Variants in DGKB observed in about 807,000 individuals in gnomAD.
DGKB encodes the protein 90 kDa diacylglycerol kinase.
Under a neutral mutation model 114.3 loss-of-function variants are expected in DGKB, and 67 were observed. The observed-to-expected ratio is 0.59, with a 90% confidence interval of 0.48 to 0.72. The LOEUF (loss-of-function observed/expected upper bound fraction) is 0.72, where lower values mean the gene tolerates loss of function less well. Ranked by LOEUF, DGKB falls within the 30% of genes least tolerant of loss-of-function variation. The pLI, the probability that DGKB is intolerant of heterozygous loss-of-function variation, is 0.00. For missense variants in DGKB, 907 were observed against 975.2 expected (o/e 0.93, Z 0.93); for synonymous variants, 398 against 323.1 (o/e 1.23, Z -2.49).
Position 14,650,174 on chromosome 7 carries a change from C to G in DGKB, c.1135-19906G>C, listed in dbSNP as rs1291586001. The stretch of plus-strand genomic sequence containing the variant: ...ATAGACATCTACAGAACTCTCCACC[C>G]CAAATCAACAGAATATACATTTTTT... On this transcript the variant is annotated intron_variant, in intron 13 of 25. Transcript: ENST00000402815. Among the ~76,000 whole-genome samples the G allele has an allele frequency of 4.0e-3, 522 of 129,320 alleles. 2 individuals are homozygous for G. Among genetic ancestry groups the G allele is most frequent in the African/African-American group, 0.015 (481 of 33,134 alleles). The allele number at this position is 129,320 out of a possible 152,430, so 84.8% of individuals were successfully genotyped here.
chr7:14,529,403 TA>T (rs1791186615), intron 20 of DGKB, among the ~76,000 whole-genome samples: 1 of 151,898 alleles, frequency 6.6e-6, no homozygotes, highest in Non-Finnish European at 1.5e-5. Context: ...AAAGTCTATT[TA>T]AATAAATAAC....
At chr7:14,660,061 C>A (rs1370848019) in intron 13 of DGKB, among the ~76,000 whole-genome samples, 1 of 151,072 alleles carries the variant, frequency 6.6e-6, no homozygotes, top group Non-Finnish European at 1.5e-5. Context: ...ATTGAACCAG[C>A]CTTGCATCCC....
At chr7:14,155,334 G>A (rs575625337) in intron 25 of DGKB, among the ~76,000 whole-genome samples, 1 of 152,180 alleles carries the variant, frequency 6.6e-6, no homozygotes, top group Admixed American at 6.6e-5. Flanking sequence ...AGATACATAT[G>A]TATTTTTAAA....
chr7:14,810,769 A>G (rs1182693076), intron 2 of DGKB, among the ~76,000 whole-genome samples: 1 of 152,062 alleles, frequency 6.6e-6, no homozygotes, highest in Non-Finnish European at 1.5e-5. Flanking sequence ...CCACCATGCC[A>G]GGCTACCATT....
intron 2 of DGKB, among the ~76,000 whole-genome samples, chr7:14,811,568 T>C (rs1226496262): frequency 6.6e-6 from 1 of 152,200 alleles, no homozygotes; most frequent in Non-Finnish European, 1.5e-5. Flanking sequence ...TCATATGATT[T>C]GTAATTATTC....
intron 20 of DGKB, among the ~76,000 whole-genome samples, chr7:14,499,590 G>C (rs1000787362): frequency 6.6e-6 from 1 of 151,742 alleles, no homozygotes; most frequent in Non-Finnish European, 1.5e-5. Flanking sequence ...CAAAGGTGGA[G>C]CCTCACAGAT....
chr7:14,828,710 TGTAA>T (rs1349662373), intron 2 of DGKB, among the ~76,000 whole-genome samples: 1 of 152,160 alleles, frequency 6.6e-6, no homozygotes, highest in African/African-American at 2.4e-5. Context: ...CTGAGAAAAG[TGTAA>T]GCAGTCTAAA....
intron 17 of DGKB, among the ~76,000 whole-genome samples, chr7:14,598,990 A>T (rs976309850): frequency 1.3e-5 from 2 of 152,188 alleles, no homozygotes; most frequent in African/African-American, 4.8e-5. Flanking sequence ...AATTCTTCAA[A>T]AGTTGTCACT....
chr7:14,858,098 G>C (rs911445318), intron 1 of DGKB, among the ~76,000 whole-genome samples: 2 of 152,128 alleles, frequency 1.3e-5, no homozygotes, highest in Non-Finnish European at 2.9e-5. Flanking sequence ...TTCATGACAG[G>C]AGTGAGGAAC....
At chr7:14,487,583 CTTTTTT>C (rs11433526) in intron 20 of DGKB, among the ~76,000 whole-genome samples, 3 of 125,900 alleles carry the variant, frequency 2.4e-5, no homozygotes, top group Admixed American at 8.5e-5. Flanking sequence ...AAGAAAATTC[CTTTTTT>C]TTTTTTTTTT....
chr7:14,801,378 G>A (rs1319941883), intron 2 of DGKB, among the ~76,000 whole-genome samples: 1 of 152,130 alleles, frequency 6.6e-6, no homozygotes, highest in East Asian at 1.9e-4. Context: ...ACATCTGATG[G>A]TTAGCTTTGT....
At chr7:14,252,387 G>T (rs766108120) in intron 23 of DGKB, among the ~76,000 whole-genome samples, 2 of 152,108 alleles carry the variant, frequency 1.3e-5, no homozygotes, top group African/African-American at 2.4e-5. Flanking sequence ...CTGATTATTC[G>T]TGATTTTATG....
chr7:14,691,643 A>G (rs1490777714), intron 9 of DGKB, among the ~76,000 whole-genome samples: 1 of 152,180 alleles, frequency 6.6e-6, no homozygotes, highest in East Asian at 1.9e-4. Flanking sequence ...TATATGGCTT[A>G]TACATTTTAT....
At chr7:14,303,738 A>G (rs962929520) in intron 23 of DGKB, among the ~76,000 whole-genome samples, 1 of 152,114 alleles carries the variant, frequency 6.6e-6, no homozygotes, top group African/African-American at 2.4e-5. Context: ...GTGCTGCAAC[A>G]TTCACTCCAA....
rs1010136481 is a variant in DGKB, at chr7:14,340,102, G to A, written c.1927-1392C>T. Among the ~76,000 whole-genome samples, 10 of 148,600 alleles carry A rather than the reference G, an allele frequency of 6.7e-5. 1 individual carries two copies. The highest frequency in any genetic ancestry group is 5.4e-4 in the Admixed American group (8 of 14,904). The stretch of plus-strand genomic sequence containing the variant: ...GGGGTAGAAACAAATTCTAGAGAAA[G>A]TGCCAAGTTTTCATTTAATTTGTTT... On this transcript the variant is annotated intron_variant, in intron 22 of 25. Transcript: ENST00000402815.
At chr7:14,388,989 T>G (rs928675705) in intron 21 of DGKB, among the ~76,000 whole-genome samples, 3 of 152,226 alleles carry the variant, frequency 2.0e-5, no homozygotes, top group Non-Finnish European at 4.4e-5. Flanking sequence ...TTTAAAACAG[T>G]CACTGCCCTT....
chr7:14,545,184 T>C (rs1352203397), intron 20 of DGKB, among the ~76,000 whole-genome samples: 1 of 152,110 alleles, frequency 6.6e-6, no homozygotes, highest in African/African-American at 2.4e-5. Flanking sequence ...CCTAAAAAAA[T>C]GTTAGGCTAA....
chr7:14,687,623 T>A (rs1271066980), intron 9 of DGKB, among the ~76,000 whole-genome samples: 1 of 152,178 alleles, frequency 6.6e-6, no homozygotes, highest in Admixed American at 6.5e-5. Flanking sequence ...AATATGGGGT[T>A]GTTAATTTTT....
At chr7:14,538,345 C>G (rs1437951362) in intron 20 of DGKB, among the ~76,000 whole-genome samples, 1 of 151,808 alleles carries the variant, frequency 6.6e-6, no homozygotes. Context: ...GACATTTTTC[C>G]AAAAAAGATA....
Sources: allele counts gnomAD v4.1 joint callset (sites outside exome capture counted in the v4.1 genomes callset), GRCh38; gene constraint gnomAD v4.1.1; transcripts MANE v1.5; gene names NCBI Gene and HGNC (gene_info 2026-07-23, HGNC 2026-07-21).